MYL12B: variants seen among roughly 807,000 people sequenced by gnomAD.
MYL12B encodes myosin regulatory light chain 12B.
A neutral mutation model predicts 12.9 loss-of-function variants in MYL12B; 3 were observed. The observed-to-expected ratio is 0.23, with a 90% CI of 0.11 to 0.60. The LOEUF (loss-of-function observed/expected upper bound fraction) is 0.60, where lower values mean the gene tolerates loss of function less well. MYL12B is among the 20% of genes least tolerant of loss of function. The pLI, the probability that MYL12B is intolerant of heterozygous loss-of-function variation, is 0.89. For missense variants in MYL12B, 120 were observed against 215.4 expected (o/e 0.56, Z 2.77); for synonymous variants, 57 against 71.9 (o/e 0.79, Z 1.05).
intron 1 of MYL12B, among the ~76,000 whole-genome samples, chr18:3,269,766 T>C (rs2081662449): frequency 6.6e-6 from 1 of 152,196 alleles, no homozygotes; most frequent in Non-Finnish European, 1.5e-5. Flanking sequence ...GAAACATGAA[T>C]ATTTAAACGG....
chr18:3,268,162 G>A (rs1182370430), intron 1 of MYL12B, among the ~76,000 whole-genome samples: 1 of 152,172 alleles, frequency 6.6e-6, no homozygotes, highest in African/African-American at 2.4e-5. Flanking sequence ...CAGATAAGGA[G>A]GGACTGCTGT....
chr18:3,272,195 A>G (rs2081684715), intron 1 of MYL12B: 1 of 823,120 alleles, frequency 1.2e-6, no homozygotes, highest in Admixed American at 7.4e-4. Flanking sequence ...CTTTTTACAT[A>G]TGTTATCTCA....
chr18:3,262,808 A>T (rs2081604244), intron 1 of MYL12B: 1 of 152,316 alleles, frequency 6.6e-6, no homozygotes, highest in East Asian at 1.9e-4. Context: ...TGTGTGGTTG[A>T]TACGGGCTCA....
chr18:3,274,088 T>C (rs895046760), intron 2 of MYL12B, among the ~76,000 whole-genome samples: 7 of 152,232 alleles, frequency 4.6e-5, no homozygotes, highest in African/African-American at 1.4e-4. Context: ...GTAACTTTTC[T>C]TTATCTAGGG....
chr18:3,263,500 T>G (rs1170543449), intron 1 of MYL12B, among the ~76,000 whole-genome samples: 1 of 152,218 alleles, frequency 6.6e-6, no homozygotes, highest in African/African-American at 2.4e-5. Flanking sequence ...GAAACAGCTT[T>G]TATGATGGCT....
At chr18:3,266,777 A>T (rs979597642) in intron 1 of MYL12B, among the ~76,000 whole-genome samples, 43 of 152,192 alleles carry the variant, frequency 2.8e-4, no homozygotes, top group Non-Finnish European at 4.6e-4. Flanking sequence ...TAAAAGAGGC[A>T]TTTTAAAGGT....
chr18:3,269,265 G>C (rs2081658179), intron 1 of MYL12B, among the ~76,000 whole-genome samples: 1 of 152,188 alleles, frequency 6.6e-6, no homozygotes, highest in South Asian at 2.1e-4. Flanking sequence ...GTTTTAGACA[G>C]CCCTGCCTAG....
At chr18:3,273,164 A>C (rs1197456081) in intron 2 of MYL12B, 82 bp downstream of exon 2, 2 of 1,407,952 alleles carry the variant, frequency 1.4e-6, no homozygotes, top group South Asian at 1.6e-5. Context: ...GCGATGTACA[A>C]ATATTTCTCT....
intron 1 of MYL12B, among the ~76,000 whole-genome samples, chr18:3,271,705 A>G (rs1454278198): frequency 2.0e-5 from 3 of 152,186 alleles, no homozygotes; most frequent in African/African-American, 7.2e-5. Flanking sequence ...GTAGCTAGTA[A>G]CGGTGGAGCT....
At chr18:3,271,736 C>T (rs1388291166) in intron 1 of MYL12B, among the ~76,000 whole-genome samples, 1 of 152,070 alleles carries the variant, frequency 6.6e-6, no homozygotes, top group Non-Finnish European at 1.5e-5. Flanking sequence ...CTCAGGACTT[C>T]CTAACTCCAG....
chr18:3,271,112 G>A (rs2081675391), intron 1 of MYL12B, among the ~76,000 whole-genome samples: 1 of 152,184 alleles, frequency 6.6e-6, no homozygotes, highest in African/African-American at 2.4e-5. Flanking sequence ...AAGAAATTGA[G>A]TCAAAATTTT....
At chr18:3,275,288 A>G (rs1441811620) in intron 2 of MYL12B, among the ~76,000 whole-genome samples, 1 of 152,204 alleles carries the variant, frequency 6.6e-6, no homozygotes, top group Admixed American at 6.5e-5. Context: ...ATGGAGATGG[A>G]AAGTAGAAGG....
chr18:3,270,190 C>A (rs2081665945), intron 1 of MYL12B, among the ~76,000 whole-genome samples: 1 of 152,148 alleles, frequency 6.6e-6, no homozygotes, highest in Non-Finnish European at 1.5e-5. Flanking sequence ...GTGGTAATTT[C>A]TTTGGGGGCC....
chr18:3,269,737 T>C (rs2081662259), intron 1 of MYL12B, among the ~76,000 whole-genome samples: 2 of 152,184 alleles, frequency 1.3e-5, no homozygotes, highest in Non-Finnish European at 2.9e-5. Context: ...CTTTAAACCA[T>C]GTGCTGCTAG....
chr18:3,269,977 CT>C (rs1378222488), intron 1 of MYL12B, among the ~76,000 whole-genome samples: 3 of 152,182 alleles, frequency 2.0e-5, no homozygotes. Context: ...GAGCACCAGG[CT>C]AACAGTGGCT....
chr18:3,274,507 A>T (rs1376894769), intron 2 of MYL12B, among the ~76,000 whole-genome samples: 1 of 152,252 alleles, frequency 6.6e-6, no homozygotes, highest in Non-Finnish European at 1.5e-5. Flanking sequence ...CAGTGCAGCC[A>T]CGTGGTAGAA....
At position 3,277,242 on chromosome 18, in the gene MYL12B, T is replaced by C; in HGVS notation, c.185-11T>C. ...TTTTGTCTTTAAATGTTAAAATGTG[T>C]ATTCTTACAGGGAAGAATCCCACTG... is the stretch of plus-strand genomic sequence containing the variant. On this transcript the variant is annotated splice_polypyrimidine_tract_variant and intron_variant, in intron 2 of 3. Transcript: ENST00000237500. 6.4e-7 allele frequency: 1 copy of C among 1,553,618 alleles called. No individual in the cohort carries two copies. Among genetic ancestry groups the C allele is most frequent in the Non-Finnish European group, 8.7e-7 (1 of 1,147,438 alleles).
chr18:3,263,091 T>C (rs1029495656), intron 1 of MYL12B: 1 of 148,932 alleles, frequency 6.7e-6, no homozygotes, highest in Non-Finnish European at 1.5e-5. Flanking sequence ...CACCGGCGGG[T>C]ATGGAACAGA....
rs561293793 is a variant in MYL12B, at chr18:3,273,483, C to T, written c.184+401C>T. Among the ~76,000 whole-genome samples, 32 of 151,860 alleles carry T rather than the reference C, an allele frequency of 2.1e-4. 1 individual carries two copies. The East Asian group carries it at 3.5e-3, about 16-fold the overall frequency. ...TTATCTCTGGGAAGGAGGGGCAGTG[C>T]GACTGGAAAAGGGAACACAGTGAAG... On this transcript the variant is annotated intron_variant, in intron 2 of 3. Coordinates refer to ENST00000237500, the MANE Select transcript of MYL12B (RefSeq NM_033546.4).
Sources: allele counts gnomAD v4.1 joint callset (sites outside exome capture counted in the v4.1 genomes callset), GRCh38; gene constraint gnomAD v4.1.1; transcripts MANE v1.5; gene names NCBI Gene and HGNC (gene_info 2026-07-23, HGNC 2026-07-21).